CELSR1: variants seen among roughly 807,000 people sequenced by gnomAD.
The protein encoded by CELSR1 is cadherin EGF LAG seven-pass G-type receptor 1.
Under a neutral mutation model 249.1 loss-of-function variants are expected in CELSR1, and 110 were observed. That is an observed-to-expected ratio of 0.44 (90% confidence interval 0.38 to 0.52). The LOEUF (loss-of-function observed/expected upper bound fraction) is 0.52, where lower values mean the gene tolerates loss of function less well. Ranked by LOEUF, CELSR1 falls within the 20% of genes least tolerant of loss-of-function variation. CELSR1 has a pLI of 0.00. For synonymous variants in CELSR1, 2,113 were observed against 1,900.0 expected (o/e 1.11, Z -2.92); for missense variants, 4,109 against 4,296.4 (o/e 0.96, Z 1.22).
intron 1 of CELSR1, among the ~76,000 whole-genome samples, chr22:46,525,976 G>A (rs1036325529): frequency 3.9e-5 from 6 of 152,236 alleles, no homozygotes; most frequent in African/African-American, 1.4e-4. Flanking sequence ...AACTTGCCCG[G>A]AGTTTCACCT....
intron 2 of CELSR1, among the ~76,000 whole-genome samples, chr22:46,455,650 G>A (rs920989059): frequency 6.6e-6 from 1 of 152,186 alleles, no homozygotes; most frequent in Non-Finnish European, 1.5e-5. Flanking sequence ...GTGCCGATCG[G>A]TTACAGCAGC....
intron 1 of CELSR1, among the ~76,000 whole-genome samples, chr22:46,478,460 G>T (rs1177172243): frequency 6.6e-6 from 1 of 152,160 alleles, no homozygotes; most frequent in Non-Finnish European, 1.5e-5. Flanking sequence ...CTGAGCACCT[G>T]CCAAGGGACA....
rs1297278574 is a variant in CELSR1, at chr22:46,517,482, C to T, written c.3544+16145G>A. On this transcript the variant is annotated intron_variant, in intron 1 of 34. Transcript: ENST00000674500. The surrounding 1 kb of genome is among the most constrained non-coding windows in gnomAD (Gnocchi z 5.4). ...ACAAGGCGGTATCTGGAGGGTAGAA[C>T]CACAATGGCTGATGTGCACTGTCCC... is the stretch of plus-strand genomic sequence containing the variant. Among the ~76,000 whole-genome samples the T allele has an allele frequency of 1.3e-5, 2 of 152,304 alleles. No homozygotes were observed. Among genetic ancestry groups the T allele is most frequent in the East Asian group, 3.9e-4 (2 of 5,178 alleles).
chr22:46,374,890 A>T lies in CELSR1; in HGVS notation c.7585-1833T>A, dbSNP rs1263946684. ...GGGCCCCGCACACGGAGCCCCCGCC[A>T]GCCCGGGGCCTCGGCCTCGGGAAGC... is the stretch of plus-strand genomic sequence containing the variant. On this transcript the variant is annotated intron_variant, in intron 24 of 34. Coordinates refer to ENST00000674500, the MANE Select transcript of CELSR1 (RefSeq NM_001378328.1). This position sits in a 1 kb window ranked among gnomAD's most constrained non-coding sequence, Gnocchi z 4.3. Among the ~76,000 whole-genome samples, 3 of 152,166 alleles carry T rather than the reference A, an allele frequency of 2.0e-5. No homozygotes were observed. Among genetic ancestry groups the T allele is most frequent in the African/African-American group, 7.2e-5 (3 of 41,454 alleles).
chr22:46,534,331 G>C lies in CELSR1; in HGVS notation c.2840C>G (p.Ser947Cys). 1 of 1,613,066 alleles carries C rather than the reference G, an allele frequency of 6.2e-7. No individual in the cohort carries two copies. Among genetic ancestry groups the C allele is most frequent in the Non-Finnish European group, 8.5e-7 (1 of 1,180,044 alleles). Residue 947 changes from serine to cysteine, a missense_variant, in exon 1 of 35, where the codon TCC becomes TGC. Coordinates refer to ENST00000674500, the MANE Select transcript of CELSR1 (RefSeq NM_001378328.1). The surrounding 1 kb of genome is among the most constrained non-coding windows in gnomAD (Gnocchi z 9.7). ...GDGDFYIEPT[S>C]GVIRTQRRLD... Reference sequence around the variant, plus strand: ...CCGGCGCTGGGTGCGAATCACACCGGACGTGGGCTCGATGTAGAAGTCCCC... The same window carrying C: ...CCGGCGCTGGGTGCGAATCACACCGCACGTGGGCTCGATGTAGAAGTCCCC...
chr22:46,531,057 A>G (rs1184689569), intron 1 of CELSR1, among the ~76,000 whole-genome samples: 1 of 152,110 alleles, frequency 6.6e-6, no homozygotes, highest in Non-Finnish European at 1.5e-5. Context: ...TCAAGGGCTG[A>G]TCTTTTTGTT....
intron 1 of CELSR1, among the ~76,000 whole-genome samples, chr22:46,503,254 G>A (rs2080483358): frequency 6.6e-6 from 1 of 152,262 alleles, no homozygotes; most frequent in African/African-American, 2.4e-5. Flanking sequence ...CCAGCCAGGA[G>A]GGCAGCAGAC....
chr22:46,367,101 AAGG>A lies in CELSR1; in HGVS notation c.8094_8096del (p.Leu2699del). The A allele has an allele frequency of 6.2e-7, 1 of 1,611,262 alleles. No individual in the cohort carries two copies. ...CCTCCTGGTTGAGCACGCAGTGGAAAAGGAGGACGAAGGGGCCCTGGAGGGAGG... is the reference window on the plus strand; with the variant it reads ...CCTCCTGGTTGAGCACGCAGTGGAAAAGGACGAAGGGGCCCTGGAGGGAGG... On this transcript the variant is annotated inframe_deletion, in exon 29 of 35. Transcript: ENST00000674500.
At chr22:46,456,153 C>T (rs184771763) in intron 2 of CELSR1, among the ~76,000 whole-genome samples, 2 of 152,370 alleles carry the variant, frequency 1.3e-5, no homozygotes, top group African/African-American at 4.8e-5. Flanking sequence ...TGCGACTTTA[C>T]TAGGAATACT....
intron 2 of CELSR1, 49 bp from the exon 3 acceptor site, chr22:46,439,460 G>T: frequency 6.6e-7 from 1 of 1,522,486 alleles, no homozygotes. Flanking sequence ...GACCAGCCAG[G>T]GAAAAGCCAA....
chr22:46,429,583 G>A lies in CELSR1; in HGVS notation c.4611+3810C>T, dbSNP rs138397053. 3.3e-5 allele frequency among the ~76,000 whole-genome samples: 5 copies of A among 152,338 alleles called. No individual in the cohort carries two copies. Among genetic ancestry groups the A allele is most frequent in the East Asian group, 3.9e-4 (2 of 5,184 alleles). On this transcript the variant is annotated intron_variant, in intron 5 of 34. Transcript: ENST00000674500. The surrounding 1 kb of genome is among the most constrained non-coding windows in gnomAD (Gnocchi z 4.1). The stretch of plus-strand genomic sequence containing the variant: ...GTGAATTAGACCAATAAACCTTCTC[G>A]TCTAAAATGTCATCAGGCAGAAAGG...
At chr22:46,509,375 T>C (rs796401612) in intron 1 of CELSR1, among the ~76,000 whole-genome samples, 4 of 152,268 alleles carry the variant, frequency 2.6e-5, no homozygotes, top group African/African-American at 9.6e-5. Flanking sequence ...AGGGCAGGGT[T>C]GGGCCAAGCC....
Position 46,367,851 on chromosome 22 carries a change from G to A in CELSR1, c.7957C>T (p.Leu2653=), listed in dbSNP as rs764126300. Residue 2653 remains leucine, a synonymous_variant, in exon 28 of 35, where the codon CTG becomes TTG. Transcript: ENST00000674500. ...AGCAGGAGGAATGCGGTCCTCAGCA[G>A]GGAGCTGCGGGAGGGCAGGATCAGG... ...HYYGKKGIVS[L]LRTAFLLLLL... 5 of 1,609,186 alleles carry A rather than the reference G, an allele frequency of 3.1e-6. No individual in the cohort carries two copies. The highest frequency in any genetic ancestry group is 4.2e-6 in the Non-Finnish European group (5 of 1,179,286).
chr22:46,375,398 C>G (rs926515002), intron 24 of CELSR1, among the ~76,000 whole-genome samples: 2 of 152,130 alleles, frequency 1.3e-5, no homozygotes, highest in Non-Finnish European at 2.9e-5. Flanking sequence ...CCTGCCTGCT[C>G]CATAACCGGT....
At chr22:46,388,552 G>A (rs2079055409) in intron 18 of CELSR1, among the ~76,000 whole-genome samples, 1 of 150,804 alleles carries the variant, frequency 6.6e-6, no homozygotes, top group African/African-American at 2.4e-5. Context: ...TGTGGATGAG[G>A]AGGTCCCTGA....
In CELSR1 at chr22:46,512,549, G is replaced by A. The variant is rs1053971790; in HGVS notation, c.3544+21078C>T. On this transcript the variant is annotated intron_variant, in intron 1 of 34. Coordinates refer to ENST00000674500, the MANE Select transcript of CELSR1 (RefSeq NM_001378328.1). This position sits in a 1 kb window ranked among gnomAD's most constrained non-coding sequence, Gnocchi z 5.2. Reference sequence around the variant, plus strand: ...ATCACACCACTGCACTCCAGCCTGGGTGAAAGAGTGAGACTCCATCTCAAC... The same window carrying A: ...ATCACACCACTGCACTCCAGCCTGGATGAAAGAGTGAGACTCCATCTCAAC... Among the ~76,000 whole-genome samples the A allele has an allele frequency of 1.3e-4, 20 of 152,168 alleles. No individual in the cohort carries two copies. The highest frequency in any genetic ancestry group is 4.6e-4 in the African/African-American group (19 of 41,418).
At chr22:46,521,473 C>T (rs977172822) in intron 1 of CELSR1, among the ~76,000 whole-genome samples, 2 of 151,188 alleles carry the variant, frequency 1.3e-5, no homozygotes, top group East Asian at 3.9e-4. Context: ...CCACTGCACT[C>T]CAGCCTGGGC....
chr22:46,414,031 T>C (rs2079368003), intron 5 of CELSR1, among the ~76,000 whole-genome samples: 1 of 152,154 alleles, frequency 6.6e-6, no homozygotes, highest in African/African-American at 2.4e-5. Flanking sequence ...AATCAATGGC[T>C]CAGAGCTACG....
chr22:46,414,115 T>C (rs190323848), intron 5 of CELSR1, among the ~76,000 whole-genome samples: 84 of 152,292 alleles, frequency 5.5e-4, no homozygotes, highest in Admixed American at 1.7e-3. Flanking sequence ...ACGCTTGTTT[T>C]TCGAGTGGCA....
Sources: allele counts gnomAD v4.1 joint callset (sites outside exome capture counted in the v4.1 genomes callset), GRCh38; gene constraint gnomAD v4.1.1; non-coding constraint Gnocchi (gnomAD v3.1); transcripts MANE v1.5; gene names NCBI Gene and HGNC (gene_info 2026-07-23, HGNC 2026-07-21).